Variants in CNTNAP4 observed in about 807,000 individuals in gnomAD.
CNTNAP4 encodes the protein contactin-associated protein-like 4.
CNTNAP4 carries 98 observed loss-of-function variants against 148.4 expected under a neutral mutation model. The observed-to-expected ratio is 0.66, with a 90% CI of 0.56 to 0.78. The LOEUF (loss-of-function observed/expected upper bound fraction) is 0.78, where lower values mean the gene tolerates loss of function less well. CNTNAP4 is among the 30% of genes least tolerant of loss of function. The probability of loss-of-function intolerance (pLI) is 0.00; values close to 1 mark genes in which losing one functional copy is unlikely to be tolerated. For synonymous variants in CNTNAP4, 730 were observed against 565.1 expected (o/e 1.29, Z -4.14); for missense variants, 1,935 against 1,565.6 (o/e 1.24, Z -3.98).
chr16:76,277,639 TGG>T lies in CNTNAP4; in HGVS notation c.-20_-19del. On this transcript the variant is annotated 5_prime_UTR_variant, in exon 1 of 24. Coordinates refer to ENST00000611870, the MANE Select transcript of CNTNAP4 (RefSeq NM_033401.5). ...GCTCTGAGAGCCTCTCAAGATCTTT[TGG>T]GGGAGCCCAATAAATGTGAACATGG... 6.4e-7 allele frequency: 1 copy of T among 1,558,000 alleles called. No homozygotes were observed. Among genetic ancestry groups the T allele is most frequent in the Non-Finnish European group, 8.8e-7 (1 of 1,139,466 alleles).
At chr16:76,286,016 A>G (rs913880994) in intron 1 of CNTNAP4, among the ~76,000 whole-genome samples, 1 of 152,128 alleles carries the variant, frequency 6.6e-6, no homozygotes, top group East Asian at 1.9e-4. Flanking sequence ...AAAAGAGTGC[A>G]TGTAGATTTA....
At chr16:76,330,479 A>T (rs1174751503) in intron 2 of CNTNAP4, among the ~76,000 whole-genome samples, 1 of 152,128 alleles carries the variant, frequency 6.6e-6, no homozygotes, top group Admixed American at 6.5e-5. Context: ...CCCCATCTCC[A>T]TTGCCTATAC....
chr16:76,498,141 C>T lies in CNTNAP4; in HGVS notation c.2238-426C>T, dbSNP rs562823356. Among the ~76,000 whole-genome samples the T allele has an allele frequency of 3.2e-4, 48 of 152,238 alleles. No homozygotes were observed. The South Asian group carries it at 7.1e-3, about 22-fold the overall frequency. On this transcript the variant is annotated intron_variant, in intron 14 of 23. Coordinates refer to ENST00000611870, the MANE Select transcript of CNTNAP4 (RefSeq NM_033401.5). Reference sequence around the variant, plus strand: ...CCCAGTGGCTCACACCTGTAATCCCCGCACTTCGGGAGGCTGAGGCAAGTG... The same window carrying T: ...CCCAGTGGCTCACACCTGTAATCCCTGCACTTCGGGAGGCTGAGGCAAGTG...
At position 76,503,521 on chromosome 16, in the gene CNTNAP4, G is replaced by A. The variant is rs528928120; in HGVS notation, c.2365+4827G>A. On this transcript the variant is annotated intron_variant, in intron 15 of 23. Coordinates refer to ENST00000611870, the MANE Select transcript of CNTNAP4 (RefSeq NM_033401.5). ...CAGGATTCAAGGTCAATATTCAAAA[G>A]TGAATTATATATTTTTTATTATTAT... 4.6e-5 allele frequency among the ~76,000 whole-genome samples: 7 copies of A among 152,224 alleles called. No individual in the cohort carries two copies. The South Asian group carries it at 1.4e-3, about 32-fold the overall frequency.
chr16:76,538,413 G>A lies in CNTNAP4; in HGVS notation c.3220+73G>A, dbSNP rs767960610. The A allele has an allele frequency of 1.2e-5, 14 of 1,153,002 alleles. No homozygotes were observed. In the Middle Eastern group the frequency reaches 1.8e-3, roughly 149 times the overall value. The allele number at this position is 1,153,002 out of a possible 1,614,324, so 71.4% of individuals were successfully genotyped here. ...CTCTGTAATAATATGGATCATTCTCGTGTTCTGGCTTCTCAAGCTACAAAC... is the reference window on the plus strand; with the variant it reads ...CTCTGTAATAATATGGATCATTCTCATGTTCTGGCTTCTCAAGCTACAAAC... On this transcript the variant is annotated intron_variant, in intron 19 of 23. Coordinates refer to ENST00000611870, the MANE Select transcript of CNTNAP4 (RefSeq NM_033401.5).
intron 21 of CNTNAP4, among the ~76,000 whole-genome samples, chr16:76,551,692 G>A (rs148376378): frequency 6.6e-6 from 1 of 152,088 alleles, no homozygotes; most frequent in Non-Finnish European, 1.5e-5. Flanking sequence ...ATATACTCCA[G>A]TGTCTACTGT....
At chr16:76,535,453 C>T in intron 17 of CNTNAP4, 92 bp from the exon 18 acceptor site, 4 of 1,352,964 alleles carry the variant, frequency 3.0e-6, no homozygotes, top group Non-Finnish European at 4.0e-6. Flanking sequence ...ATTTTTTTTG[C>T]CGTTCTCTGT....
At chr16:76,434,713 T>A (rs1053852147) in intron 4 of CNTNAP4, among the ~76,000 whole-genome samples, 1 of 152,206 alleles carries the variant, frequency 6.6e-6, no homozygotes, top group Non-Finnish European at 1.5e-5. Flanking sequence ...GGGCTTCCAT[T>A]TGGCCTTTCC....
intron 3 of CNTNAP4, among the ~76,000 whole-genome samples, chr16:76,403,430 C>T (rs913970383): frequency 1.3e-5 from 2 of 152,064 alleles, no homozygotes; most frequent in East Asian, 1.9e-4. Flanking sequence ...ATATGGCTAA[C>T]AAGCATATGA....
In CNTNAP4 at chr16:76,336,498, C is replaced by T. The variant is rs1255634343; in HGVS notation, c.197-18820C>T. On this transcript the variant is annotated intron_variant, in intron 2 of 23. Transcript: ENST00000611870. ...CAGCATACCACTGATCAGAACTTAT[C>T]ACTCATGAGCCAAAATATAATGATG... is the stretch of plus-strand genomic sequence containing the variant. Among the ~76,000 whole-genome samples the T allele has an allele frequency of 2.6e-5, 4 of 152,182 alleles. No homozygotes were observed. The East Asian group carries it at 7.7e-4, about 29-fold the overall frequency.
intron 3 of CNTNAP4, among the ~76,000 whole-genome samples, chr16:76,364,072 A>G (rs1178724001): frequency 6.6e-6 from 1 of 151,894 alleles, no homozygotes; most frequent in Non-Finnish European, 1.5e-5. Flanking sequence ...TCCTGTATCT[A>G]TTAAGAATAC....
At chr16:76,354,310 T>C (rs991047149) in intron 2 of CNTNAP4, among the ~76,000 whole-genome samples, 4 of 152,214 alleles carry the variant, frequency 2.6e-5, no homozygotes, top group African/African-American at 9.6e-5. Flanking sequence ...CTTAACACGA[T>C]ATACAGGAGT....
chr16:76,364,515 A>C (rs1461635518), intron 3 of CNTNAP4, among the ~76,000 whole-genome samples: 1 of 152,160 alleles, frequency 6.6e-6, no homozygotes, highest in African/African-American at 2.4e-5. Context: ...TGTATCTCAC[A>C]TTCTACCATG....
At chr16:76,360,555 A>G (rs2013283221) in intron 3 of CNTNAP4, among the ~76,000 whole-genome samples, 1 of 152,196 alleles carries the variant, frequency 6.6e-6, no homozygotes, top group African/African-American at 2.4e-5. Context: ...AGTTGTAGCA[A>G]TACTAACGCC....
intron 12 of CNTNAP4, 96 bp downstream of exon 12, chr16:76,479,634 C>A: frequency 1.6e-6 from 2 of 1,268,612 alleles, no homozygotes; most frequent in Non-Finnish European, 2.2e-6. Flanking sequence ...ACGTAATTTG[C>A]AACTTGATTA....
At position 76,490,198 on chromosome 16, in the gene CNTNAP4, T is replaced by C. The variant is rs150840706; in HGVS notation, c.2080+315T>C. On this transcript the variant is annotated intron_variant, in intron 13 of 23. Coordinates refer to ENST00000611870, the MANE Select transcript of CNTNAP4 (RefSeq NM_033401.5). ...GTGAATGCACAGTGTTTATCCCTGA[T>C]AAAGGGCAAGTGACACATAAGGTTT... 8.5e-5 allele frequency among the ~76,000 whole-genome samples: 13 copies of C among 152,346 alleles called. No individual in the cohort carries two copies. In the East Asian group the frequency reaches 1.3e-3, roughly 16 times the overall value.
intron 3 of CNTNAP4, among the ~76,000 whole-genome samples, chr16:76,363,761 G>A (rs1280711528): frequency 1.3e-5 from 2 of 152,060 alleles, no homozygotes; most frequent in Non-Finnish European, 2.9e-5. Flanking sequence ...TATTAAAAAA[G>A]CATTTGGGTT....
At chr16:76,533,979 G>A (rs1205070154) in intron 17 of CNTNAP4, among the ~76,000 whole-genome samples, 1 of 152,158 alleles carries the variant, frequency 6.6e-6, no homozygotes, top group African/African-American at 2.4e-5. Flanking sequence ...TCTGAATAGT[G>A]TTAGTGTCCG....
intron 1 of CNTNAP4, among the ~76,000 whole-genome samples, chr16:76,288,704 G>A (rs1383480133): frequency 4.6e-5 from 7 of 152,164 alleles, no homozygotes; most frequent in Non-Finnish European, 1.0e-4. Context: ...TTCAGTATCT[G>A]CAACATCTAG....
Sources: gnomAD v4.1 joint callset for allele counts (sites outside exome capture counted in the v4.1 genomes callset) on GRCh38, gnomAD v4.1.1 for gene constraint, MANE v1.5 for transcripts, NCBI Gene and HGNC (gene_info 2026-07-23, HGNC 2026-07-21) for gene names.